Variants in RGS6 observed in about 807,000 individuals in gnomAD.
RGS6 encodes the protein regulator of G-protein signaling 6.
Under a neutral mutation model 78.5 loss-of-function variants are expected in RGS6, and 30 were observed. That is an observed-to-expected ratio of 0.38 (90% CI 0.29 to 0.52). The LOEUF is 0.52. Ranked by LOEUF, RGS6 falls within the 20% of genes least tolerant of loss-of-function variation. The pLI is 0.85. For missense variants in RGS6, 495 were observed against 609.7 expected, an observed-to-expected ratio of 0.81 and a Z score of 1.98; for synonymous variants, 206 against 206.0, an observed-to-expected ratio of 1.00 and a Z score of 0.00.
At chr14:72,147,904 G>A (rs766615663) in intron 2 of RGS6, among the ~76,000 whole-genome samples, 3 of 152,082 alleles carry the variant, frequency 2.0e-5, no homozygotes, top group African/African-American at 7.2e-5. Flanking sequence ...GGCCAAGGCG[G>A]GCAGATCACG....
intron 6 of RGS6, among the ~76,000 whole-genome samples, chr14:72,463,901 G>A (rs548327975): frequency 2.8e-4 from 42 of 152,154 alleles, no homozygotes; most frequent in Admixed American, 1.0e-3. Context: ...TGGAAAAGTT[G>A]GTAAGTAGAA....
Position 72,173,441 on chromosome 14 carries a change from C to T in RGS6, c.85-178654C>T, listed in dbSNP as rs564171717. Among the ~76,000 whole-genome samples, 37 of 152,304 alleles carry T rather than the reference C, an allele frequency of 2.4e-4. No homozygotes were observed. The South Asian group carries it at 7.0e-3, about 29-fold the overall frequency. On this transcript the variant is annotated intron_variant, in intron 2 of 17. Coordinates refer to ENST00000553525, the MANE Select transcript of RGS6 (RefSeq NM_001204424.2). The stretch of plus-strand genomic sequence containing the variant: ...CATGAGAGCCTATGCTGTGGCCAGT[C>T]GCTGTGACAGAATGGTTTTCTGCAG...
chr14:72,251,778 T>C (rs1214638242), intron 2 of RGS6, among the ~76,000 whole-genome samples: 1 of 152,164 alleles, frequency 6.6e-6, no homozygotes. Context: ...ACCTGGGCAA[T>C]AGGATTGTTC....
intron 2 of RGS6, among the ~76,000 whole-genome samples, chr14:71,978,188 T>C (rs1401863514): frequency 7.4e-6 from 1 of 135,026 alleles, no homozygotes; most frequent in Non-Finnish European, 1.6e-5. Flanking sequence ...TTTCTAGATA[T>C]ACAATCATGT....
chr14:71,931,077 A>G (rs904780609), upstream of RGS6, among the ~76,000 whole-genome samples: 1 of 144,238 alleles, frequency 6.9e-6, no homozygotes, highest in Non-Finnish European at 1.5e-5. Flanking sequence ...TGTACAGCCT[A>G]TTCTTTAACT....
intron 2 of RGS6, among the ~76,000 whole-genome samples, chr14:72,013,345 G>A: frequency 1.4e-5 from 1 of 71,942 alleles, no homozygotes; most frequent in South Asian, 7.8e-4. Context: ...TAAGGTGAAT[G>A]ACACATTAAT....
intron 2 of RGS6, among the ~76,000 whole-genome samples, chr14:72,165,443 C>A (rs1468349269): frequency 6.6e-6 from 1 of 152,200 alleles, no homozygotes; most frequent in Admixed American, 6.5e-5. Flanking sequence ...TCTCCTACCA[C>A]CTTAGCTGCA....
intron 7 of RGS6, among the ~76,000 whole-genome samples, chr14:72,467,798 A>G (rs1259711080): frequency 6.6e-6 from 1 of 152,154 alleles, no homozygotes; most frequent in African/African-American, 2.4e-5. Context: ...GAGCCCAGTC[A>G]TGCCCCTGTC....
At chr14:72,381,755 G>A (rs528507741) in intron 3 of RGS6, among the ~76,000 whole-genome samples, 7 of 152,188 alleles carry the variant, frequency 4.6e-5, no homozygotes, top group African/African-American at 1.7e-4. Flanking sequence ...AAATACTGTG[G>A]TAAGTGGGGC....
chr14:72,277,958 C>T (rs141350738), intron 2 of RGS6, among the ~76,000 whole-genome samples: 1 of 152,158 alleles, frequency 6.6e-6, no homozygotes, highest in East Asian at 1.9e-4. Flanking sequence ...TAAAAATCCT[C>T]TACTGTCTAC....
At chr14:72,534,333 A>G (rs146438850) in intron 15 of RGS6, among the ~76,000 whole-genome samples, 281 of 152,350 alleles carry the variant, frequency 1.8e-3, no homozygotes, top group African/African-American at 6.4e-3. Context: ...TGTAAACATA[A>G]CTTTTATGTG....
At chr14:72,507,538 C>A (rs1279258656) in intron 13 of RGS6, among the ~76,000 whole-genome samples, 1 of 152,180 alleles carries the variant, frequency 6.6e-6, no homozygotes, top group African/African-American at 2.4e-5. Flanking sequence ...TTTCCAGATA[C>A]CCCCACCTTC....
intron 3 of RGS6, among the ~76,000 whole-genome samples, chr14:72,409,967 T>A (rs1488701901): frequency 6.6e-6 from 1 of 152,266 alleles, no homozygotes; most frequent in Non-Finnish European, 1.5e-5. Context: ...CTATCATTGT[T>A]GGACATTTGG....
intron 2 of RGS6, among the ~76,000 whole-genome samples, chr14:72,102,188 G>A (rs543002136): frequency 1.3e-4 from 20 of 152,274 alleles, no homozygotes; most frequent in African/African-American, 4.1e-4. Flanking sequence ...CATCAGTGAC[G>A]TACTGCTTCT....
chr14:72,085,853 C>CA (rs35951230), intron 2 of RGS6, among the ~76,000 whole-genome samples: 42,821 of 72,948 alleles, frequency 0.59, 12,681 homozygotes, highest in Non-Finnish European at 0.65. Context: ...GACACCATCT[C>CA]AAAAAAAAAA....
chr14:72,358,135 G>A (rs2080728781), intron 3 of RGS6, among the ~76,000 whole-genome samples: 1 of 152,148 alleles, frequency 6.6e-6, no homozygotes, highest in Non-Finnish European at 1.5e-5. Context: ...CTGAGGTTTG[G>A]GAACCTCCAT....
At chr14:72,418,201 C>A (rs1259892561) in intron 3 of RGS6, among the ~76,000 whole-genome samples, 1 of 151,774 alleles carries the variant, frequency 6.6e-6, no homozygotes, top group Non-Finnish European at 1.5e-5. Flanking sequence ...GAATCTCACT[C>A]TGTTGCCCAG....
At chr14:72,408,708 T>A (rs1840352360) in intron 3 of RGS6, among the ~76,000 whole-genome samples, 1 of 152,216 alleles carries the variant, frequency 6.6e-6, no homozygotes, top group Admixed American at 6.5e-5. Flanking sequence ...AGGCACATAC[T>A]ATGTTAACTG....
intron 2 of RGS6, among the ~76,000 whole-genome samples, chr14:72,248,621 T>C (rs146945894): frequency 3.3e-5 from 5 of 152,352 alleles, no homozygotes; most frequent in Non-Finnish European, 7.3e-5. Context: ...CTTTTAATTC[T>C]TTCTTTGGTT....
Sources: gnomAD v4.1 joint callset for allele counts (sites outside exome capture counted in the v4.1 genomes callset) on GRCh38, gnomAD v4.1.1 for gene constraint, MANE v1.5 for transcripts, NCBI Gene and HGNC (gene_info 2026-07-23, HGNC 2026-07-21) for gene names.